The following MCM9 variants were observed in gnomAD, a reference collection of about 807,000 sequenced individuals.
MCM9 encodes the protein minichromosome maintenance 9 homologous recombination repair factor.
A neutral mutation model predicts 72.8 loss-of-function variants in MCM9; 55 were observed. That is an observed-to-expected ratio of 0.76 (90% CI 0.61 to 0.95). The LOEUF is 0.95. Ranked by LOEUF, MCM9 falls within the 40% of genes least tolerant of loss-of-function variation. The pLI, the probability that MCM9 is intolerant of heterozygous loss-of-function variation, is 0.00. For missense variants in MCM9, 1,279 were observed against 1,377.0 expected (o/e 0.93, Z 1.13); for synonymous variants, 480 against 503.4 (o/e 0.95, Z 0.62).
chr6:118,871,451 C>A (rs144344144), intron 8 of MCM9, among the ~76,000 whole-genome samples: 1 of 152,142 alleles, frequency 6.6e-6, no homozygotes, highest in Non-Finnish European at 1.5e-5. Flanking sequence ...AAATTCTCAA[C>A]AAGTTAGGGG....
chr6:118,868,765 A>T (rs1173083161), intron 8 of MCM9, among the ~76,000 whole-genome samples: 1 of 152,216 alleles, frequency 6.6e-6, no homozygotes, highest in African/African-American at 2.4e-5. Flanking sequence ...GTCAGGAAAT[A>T]ACAGATGCTG....
At chr6:118,839,995 T>C (rs1273132448) in intron 9 of MCM9, among the ~76,000 whole-genome samples, 2 of 152,064 alleles carry the variant, frequency 1.3e-5, no homozygotes, top group Non-Finnish European at 2.9e-5. Context: ...GGCAGGAAAG[T>C]TTAAGCCTGC....
intron 3 of MCM9, among the ~76,000 whole-genome samples, chr6:118,931,164 AC>A: frequency 6.6e-6 from 1 of 152,206 alleles, no homozygotes; most frequent in Non-Finnish European, 1.5e-5. Context: ...ATTTTTAAAC[AC>A]AGACGTGGAA....
chr6:118,864,310 T>C (rs1351211109), intron 8 of MCM9, among the ~76,000 whole-genome samples: 1 of 152,092 alleles, frequency 6.6e-6, no homozygotes, highest in Non-Finnish European at 1.5e-5. Context: ...CAAACAATAT[T>C]TGAAAACCCA....
At chr6:118,840,668 G>T (rs1306428233) in intron 9 of MCM9, among the ~76,000 whole-genome samples, 1 of 150,840 alleles carries the variant, frequency 6.6e-6, no homozygotes, top group East Asian at 1.9e-4. Context: ...TATACTAATG[G>T]TATTCTCACA....
chr6:118,871,665 C>T (rs765191106), intron 8 of MCM9, among the ~76,000 whole-genome samples: 2 of 152,122 alleles, frequency 1.3e-5, no homozygotes, highest in Non-Finnish European at 2.9e-5. Context: ...GCCTGTAATC[C>T]CAACACACTG....
intron 12 of MCM9, 53 bp from the exon 13 acceptor site, chr6:118,826,345 T>C: frequency 6.6e-7 from 1 of 1,524,460 alleles, no homozygotes; most frequent in South Asian, 1.3e-5. Context: ...TGCATAGCGG[T>C]AAGTACACTC....
chr6:118,857,574 GT>G (rs998617487), intron 8 of MCM9, among the ~76,000 whole-genome samples: 1 of 132,196 alleles, frequency 7.6e-6, no homozygotes, highest in African/African-American at 2.9e-5. Flanking sequence ...ACATGAGTAC[GT>G]TAAGAATAAC....
chr6:118,836,396 T>G (rs188938916), intron 9 of MCM9, among the ~76,000 whole-genome samples: 2 of 152,298 alleles, frequency 1.3e-5, no homozygotes, highest in African/African-American at 4.8e-5. Flanking sequence ...TTTTCTATGG[T>G]TTGTAATAGT....
At chr6:118,861,359 TC>T (rs1776893105) in intron 8 of MCM9, among the ~76,000 whole-genome samples, 1 of 152,218 alleles carries the variant, frequency 6.6e-6, no homozygotes, top group African/African-American at 2.4e-5. Flanking sequence ...AGCTCTTCAC[TC>T]CTTCTCGTCA....
intron 8 of MCM9, among the ~76,000 whole-genome samples, chr6:118,875,445 C>G (rs183024015): frequency 6.6e-6 from 1 of 151,862 alleles, no homozygotes; most frequent in East Asian, 1.9e-4. Flanking sequence ...CAATAGTAGC[C>G]CAGAAACACA....
rs189961442 is a variant in MCM9 at position 118,913,072 on chromosome 6, A to G, written c.1030+223T>C. The stretch of plus-strand genomic sequence containing the variant: ...TCCTTATAGGCTATAGCAAAAGTAT[A>G]TGCCATAGAAAAATGTAACTTCTTT... On this transcript the variant is annotated intron_variant, in intron 7 of 13. Coordinates refer to ENST00000619706, the MANE Select transcript of MCM9 (RefSeq NM_017696.3). 16 of 518,210 alleles carry G rather than the reference A, an allele frequency of 3.1e-5. No individual in the cohort carries two copies. In the Admixed American group the frequency reaches 3.4e-4, roughly 11 times the overall value. The allele number at this position is 518,210 out of a possible 1,614,324, so 32.1% of individuals were successfully genotyped here.
rs1460514313 is a variant in MCM9, at chr6:118,816,236, G to T, written c.2020C>A (p.Pro674Thr). The T allele has an allele frequency of 3.2e-6, 5 of 1,550,154 alleles. No individual in the cohort carries two copies. Among genetic ancestry groups the T allele is most frequent in the South Asian group, 1.2e-5 (1 of 84,030 alleles). ...CCTGGACCATTTCTCAAGGATCCTGGAGTAGTCTCTACCTCCAATACCCGT... is the reference window on the plus strand; with the variant it reads ...CCTGGACCATTTCTCAAGGATCCTGTAGTAGTCTCTACCTCCAATACCCGT... ...QPRVLEVETT[P>T]GSLRNGPGEE... Residue 674 changes from proline to threonine, a missense_variant, in exon 14 of 14, where the codon CCA becomes ACA. Transcript: ENST00000619706.
intron 8 of MCM9, among the ~76,000 whole-genome samples, chr6:118,872,346 A>G (rs1248303884): frequency 6.6e-6 from 1 of 152,142 alleles, no homozygotes; most frequent in Non-Finnish European, 1.5e-5. Flanking sequence ...AGTAACAAAA[A>G]GACAGCTGGA....
chr6:118,880,887 G>A (rs539650993), intron 8 of MCM9, among the ~76,000 whole-genome samples: 3 of 152,268 alleles, frequency 2.0e-5, no homozygotes, highest in East Asian at 3.9e-4. Context: ...CAGGGGATAC[G>A]TTCCAAGACC....
chr6:118,913,407 T>C lies in MCM9; in HGVS notation c.918A>G (p.Ile306Met). 1 of 1,613,098 alleles carries C rather than the reference T, an allele frequency of 6.2e-7. No individual in the cohort carries two copies. The highest frequency in any genetic ancestry group is 8.5e-7 in the Non-Finnish European group (1 of 1,179,740). Residue 306 changes from isoleucine to methionine, a missense_variant, in exon 7 of 14, where the codon ATA (isoleucine) becomes ATG (methionine). Transcript: ENST00000619706. ...KSDPFAGRNVILASLCPQVFG... is the reference protein window; with the variant it reads ...KSDPFAGRNVMLASLCPQVFG... ...ACACTTGAGGGCACAAGCTAGCCAA[T>C]ATTACATTCCTTCCTAGGAAAAGCA...
chr6:118,856,310 T>C, intron 9 of MCM9, 61 bp downstream of exon 9: 1 of 1,457,836 alleles, frequency 6.9e-7, no homozygotes, highest in Non-Finnish European at 9.1e-7. Flanking sequence ...AGGTTCACAT[T>C]TTCCCCTAAG....
chr6:118,889,148 G>C (rs1778790997), intron 8 of MCM9, among the ~76,000 whole-genome samples: 1 of 152,070 alleles, frequency 6.6e-6, no homozygotes, highest in Admixed American at 6.6e-5. Flanking sequence ...ACTTAGAGGT[G>C]GATTCTTTGC....
At chr6:118,822,567 G>C (rs921245334) in intron 13 of MCM9, among the ~76,000 whole-genome samples, 3 of 152,166 alleles carry the variant, frequency 2.0e-5, no homozygotes, top group African/African-American at 7.2e-5. Flanking sequence ...CCTGCTGGGT[G>C]GTCTCTCTCA....
Sources: gnomAD v4.1 joint callset for allele counts (sites outside exome capture counted in the v4.1 genomes callset) on GRCh38, gnomAD v4.1.1 for gene constraint, MANE v1.5 for transcripts, NCBI Gene and HGNC (gene_info 2026-07-23, HGNC 2026-07-21) for gene names.